The following CDH13 variants were observed in gnomAD, a reference collection of about 807,000 sequenced individuals.
The protein encoded by CDH13 is cadherin 13.
In CDH13, 24 loss-of-function variants were observed where a neutral mutation model predicts 63.8. The ratio of observed to expected loss-of-function variants is 0.38; its 90% CI spans 0.27 to 0.53. CDH13 has a LOEUF of 0.53. Ranked by LOEUF, CDH13 falls within the 20% of genes least tolerant of loss-of-function variation. CDH13 has a pLI of 0.85. For synonymous variants in CDH13, 503 were observed against 355.3 expected (o/e 1.42, Z -4.67); for missense variants, 1,049 against 903.1 (o/e 1.16, Z -2.07).
rs144995269 is a variant in CDH13, at chr16:83,229,498, T to G, written c.636+12001T>G. On this transcript the variant is annotated intron_variant, in intron 5 of 13. Transcript: ENST00000567109. ...TTAAAATTTTAAATTTTGAGGGTTT[T>G]TTTTTTCTTCTACGGGGGTTTATCA... Among the ~76,000 whole-genome samples, 438 of 152,310 alleles carry G rather than the reference T, an allele frequency of 2.9e-3. 5 individuals are homozygous for G. The highest frequency in any genetic ancestry group is 0.02 in the Admixed American group (309 of 15,300).
At chr16:83,056,546 G>GGAA (rs1263668441) in intron 3 of CDH13, among the ~76,000 whole-genome samples, 1 of 152,182 alleles carries the variant, frequency 6.6e-6, no homozygotes, top group African/African-American at 2.4e-5. Context: ...AGCCAGATAG[G>GGAA]GAAGGGAATA....
chr16:83,116,849 C>T (rs906503264), intron 3 of CDH13, among the ~76,000 whole-genome samples: 4 of 152,138 alleles, frequency 2.6e-5, no homozygotes, highest in African/African-American at 9.7e-5. Flanking sequence ...TCCAACTCTC[C>T]CTTTCCACAA....
At chr16:83,008,313 G>A (rs774851148) in intron 2 of CDH13, among the ~76,000 whole-genome samples, 4 of 152,196 alleles carry the variant, frequency 2.6e-5, no homozygotes, top group Non-Finnish European at 4.4e-5. Flanking sequence ...TAACAAAGGT[G>A]ACCTTTGAGT....
rs561576993 is a variant in CDH13 at position 82,827,110 on chromosome 16, G to A, written c.46-31252G>A. ...TCTTAATTCAGGCAACACAGCCTTAGCCTTGTTCTGCTAGTGCTAATTATT... is the reference window on the plus strand; with the variant it reads ...TCTTAATTCAGGCAACACAGCCTTAACCTTGTTCTGCTAGTGCTAATTATT... On this transcript the variant is annotated intron_variant, in intron 1 of 13. Coordinates refer to ENST00000567109, the MANE Select transcript of CDH13 (RefSeq NM_001257.5). Among the ~76,000 whole-genome samples the A allele has an allele frequency of 1.1e-4, 17 of 152,292 alleles. No homozygotes were observed. The South Asian group carries it at 3.5e-3, about 32-fold the overall frequency.
At chr16:83,720,570 C>T (rs1188728721) in intron 10 of CDH13, among the ~76,000 whole-genome samples, 1 of 151,950 alleles carries the variant, frequency 6.6e-6, no homozygotes, top group African/African-American at 2.4e-5. Flanking sequence ...TAGTGAGACC[C>T]CGTCTCTGTC....
intron 7 of CDH13, among the ~76,000 whole-genome samples, chr16:83,495,171 T>C (rs905335121): frequency 1.1e-4 from 17 of 152,262 alleles, no homozygotes; most frequent in African/African-American, 3.6e-4. Flanking sequence ...CCTGAGAACA[T>C]ATGCCCAAGG....
At chr16:82,835,975 G>GA (rs1567584099) in intron 1 of CDH13, among the ~76,000 whole-genome samples, 1 of 152,126 alleles carries the variant, frequency 6.6e-6, no homozygotes, top group African/African-American at 2.4e-5. Flanking sequence ...CTCAGGTCTC[G>GA]CATGTCAGAA....
chr16:82,631,072 C>G (rs1296215851), intron 1 of CDH13, among the ~76,000 whole-genome samples: 1 of 152,212 alleles, frequency 6.6e-6, no homozygotes, highest in Non-Finnish European at 1.5e-5. Context: ...CTGTGTCTCT[C>G]TCTTTCTTGC....
At chr16:83,153,041 A>G (rs2037056967) in intron 4 of CDH13, among the ~76,000 whole-genome samples, 1 of 152,222 alleles carries the variant, frequency 6.6e-6, no homozygotes, top group African/African-American at 2.4e-5. Context: ...CTGCCTACCC[A>G]GAGCCAACTT....
At chr16:83,108,970 C>G (rs1018653095) in intron 3 of CDH13, among the ~76,000 whole-genome samples, 2 of 152,174 alleles carry the variant, frequency 1.3e-5, no homozygotes, top group African/African-American at 4.8e-5. Flanking sequence ...CCCTCCCTGC[C>G]TCACTTCCTC....
intron 1 of CDH13, among the ~76,000 whole-genome samples, chr16:82,692,747 A>G (rs1406185228): frequency 1.3e-5 from 2 of 152,132 alleles, no homozygotes; most frequent in African/African-American, 4.8e-5. Context: ...TTATATTCCT[A>G]GTTTCCGTGG....
chr16:83,127,940 C>A (rs533487336), intron 4 of CDH13, among the ~76,000 whole-genome samples: 10 of 152,306 alleles, frequency 6.6e-5, no homozygotes, highest in African/African-American at 2.2e-4. Flanking sequence ...GCAGCCCTAG[C>A]CACTGTGATG....
intron 3 of CDH13, among the ~76,000 whole-genome samples, chr16:83,053,055 G>A (rs1366171286): frequency 6.6e-6 from 1 of 152,008 alleles, no homozygotes; most frequent in Non-Finnish European, 1.5e-5. Flanking sequence ...TGGTGAAATG[G>A]GAATAAAAAT....
intron 8 of CDH13, among the ~76,000 whole-genome samples, chr16:83,626,333 T>C (rs893979279): frequency 9.2e-5 from 14 of 152,214 alleles, no homozygotes; most frequent in Non-Finnish European, 1.2e-4. Flanking sequence ...ACACACTGTC[T>C]GGGACCTTCT....
chr16:83,076,662 C>T (rs1033455890), intron 3 of CDH13, among the ~76,000 whole-genome samples: 1 of 152,032 alleles, frequency 6.6e-6, no homozygotes, highest in African/African-American at 2.4e-5. Context: ...CAGTCCCTGC[C>T]TCTATACATC....
Position 82,858,423 on chromosome 16 carries a change from T to G in CDH13, c.107T>G (p.Phe36Cys). The G allele has an allele frequency of 6.2e-7, 1 of 1,613,812 alleles. No individual in the cohort carries two copies. Among genetic ancestry groups the G allele is most frequent in the Non-Finnish European group, 8.5e-7 (1 of 1,179,708 alleles). ...DCTPGFQQKV[F>C]HINQPAEFIE... ...ACTCCTGGATTTCAGCAGAAAGTGT[T>G]CCATATCAATCAGCCAGCTGAATTC... Residue 36 changes from phenylalanine to cysteine, a missense_variant, in exon 2 of 14, where the codon TTC becomes TGC. Coordinates refer to ENST00000567109, the MANE Select transcript of CDH13 (RefSeq NM_001257.5).
At chr16:83,367,899 G>A (rs1434765950) in intron 6 of CDH13, among the ~76,000 whole-genome samples, 1 of 152,114 alleles carries the variant, frequency 6.6e-6, no homozygotes, top group Non-Finnish European at 1.5e-5. Flanking sequence ...TAACAATATT[G>A]AGTCTTCCCA....
intron 5 of CDH13, among the ~76,000 whole-genome samples, chr16:83,293,025 T>C (rs921664951): frequency 1.1e-4 from 16 of 152,174 alleles, no homozygotes; most frequent in African/African-American, 3.9e-4. Flanking sequence ...ACTAAACAGA[T>C]AGTTGAGTCA....
chr16:83,233,494 T>G (rs1412621799), intron 5 of CDH13, among the ~76,000 whole-genome samples: 3 of 152,212 alleles, frequency 2.0e-5, no homozygotes, highest in Non-Finnish European at 2.9e-5. Context: ...GTTGTTTAGG[T>G]CAGAAGTCCG....
Sources: allele counts gnomAD v4.1 joint callset (sites outside exome capture counted in the v4.1 genomes callset), GRCh38; gene constraint gnomAD v4.1.1; transcripts MANE v1.5; gene names NCBI Gene and HGNC (gene_info 2026-07-23, HGNC 2026-07-21).